NR4A1: variants seen among roughly 807,000 people sequenced by gnomAD.
NR4A1 encodes nuclear receptor subfamily 4 group A member 1.
A neutral mutation model predicts 47.5 loss-of-function variants in NR4A1; 24 were observed. The ratio of observed to expected loss-of-function variants is 0.50; its 90% CI spans 0.37 to 0.71. The LOEUF is 0.71. Among genes scored for constraint, NR4A1 ranks in the 30% least tolerant of loss-of-function variants. The probability of loss-of-function intolerance (pLI) is 0.00; values close to 1 mark genes in which losing one functional copy is unlikely to be tolerated. For synonymous variants in NR4A1, 353 were observed against 345.7 expected, an observed-to-expected ratio of 1.02 and a Z score of -0.24; for missense variants, 669 against 788.6, an observed-to-expected ratio of 0.85 and a Z score of 1.82.
intron 1 of NR4A1, among the ~76,000 whole-genome samples, chr12:52,052,042 T>C (rs1938987802): frequency 6.6e-6 from 1 of 152,128 alleles, no homozygotes; most frequent in South Asian, 2.1e-4. Flanking sequence ...GTCCCGGTTG[T>C]TTTCTTAACA....
intron 1 of NR4A1, among the ~76,000 whole-genome samples, chr12:52,029,002 A>T (rs1162687317): frequency 6.6e-6 from 1 of 152,220 alleles, no homozygotes; most frequent in Admixed American, 6.5e-5. Context: ...TATTCCCCAA[A>T]TCCTTTAGTG....
intron 1 of NR4A1, among the ~76,000 whole-genome samples, chr12:52,041,426 G>A (rs531592078): frequency 5.3e-5 from 8 of 152,268 alleles, no homozygotes; most frequent in African/African-American, 1.9e-4. Flanking sequence ...GCCCCTTAAG[G>A]AGAGTGGGGT....
chr12:52,048,113 C>A (rs1178673173), upstream of NR4A1, among the ~76,000 whole-genome samples: 1 of 151,258 alleles, frequency 6.6e-6, no homozygotes, highest in Non-Finnish European at 1.5e-5. Flanking sequence ...GAGATCGCAC[C>A]ACTTCACTCT....
intron 1 of NR4A1, among the ~76,000 whole-genome samples, chr12:52,031,280 C>T (rs1347170635): frequency 6.6e-6 from 1 of 151,840 alleles, no homozygotes; most frequent in Admixed American, 6.6e-5. Flanking sequence ...CCCATCTCGG[C>T]CTCCCAAAGT....
At chr12:52,055,945 C>G (rs1939241303) in intron 2 of NR4A1, 85 bp from the exon 3 acceptor site, 1 of 735,500 alleles carries the variant, frequency 1.4e-6, no homozygotes, top group Non-Finnish European at 2.0e-6. Context: ...GCAATGGCAG[C>G]AGGATCTGGA....
intron 6 of NR4A1, 117 bp downstream of exon 6, chr12:52,057,647 C>T: frequency 8.7e-7 from 1 of 1,151,192 alleles, no homozygotes; most frequent in Non-Finnish European, 1.2e-6. Flanking sequence ...TTTCTGGGCC[C>T]CTGCACTGCC....
At chr12:52,031,832 C>T (rs753050932) in intron 1 of NR4A1, among the ~76,000 whole-genome samples, 2 of 138,862 alleles carry the variant, frequency 1.4e-5, no homozygotes, top group Non-Finnish European at 3.0e-5. Context: ...CAGGCTGGAG[C>T]GCAGTGACGC....
intron 1 of NR4A1, among the ~76,000 whole-genome samples, chr12:52,031,631 C>T (rs12370562): frequency 0.46 from 69,511 of 151,468 alleles, 17,065 homozygotes; most frequent in African/African-American, 0.65. Flanking sequence ...AGTGAGACTC[C>T]GTCTCAAAAC....
At chr12:52,027,950 C>T (rs1938032324) in intron 1 of NR4A1, among the ~76,000 whole-genome samples, 1 of 152,092 alleles carries the variant, frequency 6.6e-6, no homozygotes, top group Admixed American at 6.5e-5. Context: ...ACCTGTAATT[C>T]TAGCACTTTT....
upstream of NR4A1, among the ~76,000 whole-genome samples, chr12:52,047,320 C>G (rs902902202): frequency 1.3e-5 from 2 of 152,188 alleles, no homozygotes; most frequent in African/African-American, 4.8e-5. Flanking sequence ...CTCCAAAGTT[C>G]CACTAGCTGG....
chr12:52,049,969 G>T (rs1172299209), upstream of NR4A1, among the ~76,000 whole-genome samples: 3 of 152,154 alleles, frequency 2.0e-5, no homozygotes, highest in Admixed American at 6.5e-5. Context: ...GTGACCAGAT[G>T]AGTTGAGAAC....
intron 6 of NR4A1, among the ~76,000 whole-genome samples, chr12:52,058,164 G>A (rs1055881818): frequency 1.3e-5 from 2 of 152,152 alleles, no homozygotes; most frequent in African/African-American, 2.4e-5. Context: ...GATTGGTTGT[G>A]CCTGTTTTGG....
chr12:52,058,691 G>C lies in NR4A1; in HGVS notation c.1544G>C (p.Arg515Pro). ...TAATCCTGTACCCTTCCCGCAGACCGGCATGGGCTGCAGGAGCCGCGGCGG... is the reference window on the plus strand; with the variant it reads ...TAATCCTGTACCCTTCCCGCAGACCCGCATGGGCTGCAGGAGCCGCGGCGG... ...CLSALVLITD[R>P]HGLQEPRRVE... The change falls in exon 7 of 7, where the codon CGG becomes CCG. Residue 515 changes from arginine to proline, a missense_variant. Transcript: ENST00000394825. 1 of 1,602,864 alleles carries C rather than the reference G, an allele frequency of 6.2e-7. No homozygotes were observed. Among genetic ancestry groups the C allele is most frequent in the Non-Finnish European group, 8.5e-7 (1 of 1,175,178 alleles).
chr12:52,054,728 A>T lies in NR4A1; in HGVS notation c.400A>T (p.Ser134Cys). ...LSSSGSDYYGSPCSAPSPSTP... is the reference protein window; with the variant it reads ...LSSSGSDYYGCPCSAPSPSTP... ...CTCCAGTGGCTCTGACTACTATGGC[A>T]GCCCCTGCTCGGCCCCGTCGCCCTC... The change falls in exon 2 of 7, where the codon AGC (serine) becomes TGC (cysteine). Residue 134 changes from serine (S) to cysteine (C), a missense_variant. Physicochemically the swap from Ser to Cys is moderately radical, Grantham distance 112. Coordinates refer to ENST00000394825, the MANE Select transcript of NR4A1 (RefSeq NM_173157.3). The T allele has an allele frequency of 6.2e-7, 1 of 1,613,286 alleles. No homozygotes were observed. Among genetic ancestry groups the T allele is most frequent in the Non-Finnish European group, 8.5e-7 (1 of 1,179,998 alleles).
chr12:52,036,300 G>T (rs921799926), intron 1 of NR4A1, among the ~76,000 whole-genome samples: 2 of 151,998 alleles, frequency 1.3e-5, no homozygotes, highest in Non-Finnish European at 2.9e-5. Context: ...GGAAGCCTGG[G>T]CCTGAAGACT....
chr12:52,027,615 A>G (rs1056236443), intron 1 of NR4A1, among the ~76,000 whole-genome samples: 1 of 152,210 alleles, frequency 6.6e-6, no homozygotes, highest in Admixed American at 6.5e-5. Context: ...CCGCAAGGAA[A>G]GAGGAAGAGG....
chr12:52,052,686 G>A (rs940703933), intron 1 of NR4A1: 1 of 982,966 alleles, frequency 1.0e-6, no homozygotes, highest in Non-Finnish European at 1.2e-6. Context: ...TGCATGAAGG[G>A]GGAGGGACTG....
At chr12:52,036,807 T>C (rs999271099) in intron 1 of NR4A1, among the ~76,000 whole-genome samples, 1 of 151,672 alleles carries the variant, frequency 6.6e-6, no homozygotes, top group African/African-American at 2.4e-5. Flanking sequence ...CGCTGTGACT[T>C]TGGACCGCCA....
intron 1 of NR4A1, among the ~76,000 whole-genome samples, chr12:52,025,897 A>T (rs1390283856): frequency 1.3e-5 from 2 of 152,216 alleles, no homozygotes; most frequent in Non-Finnish European, 2.9e-5. Context: ...GGTATTTAAA[A>T]AGCCCACAGG....
Sources: allele counts gnomAD v4.1 joint callset (sites outside exome capture counted in the v4.1 genomes callset), GRCh38; gene constraint gnomAD v4.1.1; transcripts MANE v1.5; gene names NCBI Gene and HGNC (gene_info 2026-07-23, HGNC 2026-07-21).